Variants in PRSS41 observed in about 807,000 individuals in gnomAD.
PRSS41 encodes the protein serine protease 41.
A neutral mutation model predicts 28.8 loss-of-function variants in PRSS41; 37 were observed. That is an observed-to-expected ratio of 1.29 (90% CI 0.99 to 1.69). The LOEUF (loss-of-function observed/expected upper bound fraction) is 1.69, where lower values mean the gene tolerates loss of function less well. Ranked by LOEUF, PRSS41 falls within the 40% of genes most tolerant of loss-of-function variation. The pLI is 0.00. For synonymous variants in PRSS41, 195 were observed against 163.1 expected (o/e 1.20, Z -1.49); for missense variants, 431 against 400.7 (o/e 1.08, Z -0.65).
chr16:2,799,246 C>CCT, intron 3 of PRSS41, 40 bp from the exon 4 acceptor site: 2 of 1,545,210 alleles, frequency 1.3e-6, no homozygotes, highest in Non-Finnish European at 1.7e-6. Context: ...CGGCCAGCCC[C>CCT]CTATTCCAAG....
At chr16:2,799,406 C>A in exon 4 of PRSS41, 4 of 1,552,130 alleles carry the variant, frequency 2.6e-6, no homozygotes, top group Non-Finnish European at 3.5e-6. Flanking sequence ...TGAACCCTGA[C>A]GCACTTGGGG....
At chr16:2,805,180 G>A in exon 6 of PRSS41, 2 of 1,450,370 alleles carry the variant, frequency 1.4e-6, no homozygotes, top group Non-Finnish European at 1.9e-6. Context: ...GCTGCAGTGG[G>A]GACCACAGTA....
chr16:2,801,850 G>C (rs1260065351), intron 4 of PRSS41, among the ~76,000 whole-genome samples: 1 of 152,252 alleles, frequency 6.6e-6, no homozygotes, highest in African/African-American at 2.4e-5. Context: ...TCAATGAGCT[G>C]TTGGGCACAC....
intron 4 of PRSS41, among the ~76,000 whole-genome samples, chr16:2,801,363 GAT>G (rs1158414156): frequency 6.9e-6 from 1 of 145,056 alleles, no homozygotes; most frequent in African/African-American, 2.6e-5. Context: ...TTTTTTTATT[GAT>G]AATTCTTGGG....
intron 4 of PRSS41, 98 bp from the exon 5 acceptor site, chr16:2,804,291 C>T (rs1393839790): frequency 8.9e-6 from 12 of 1,348,368 alleles, no homozygotes; most frequent in Middle Eastern, 5.1e-4. Flanking sequence ...TGTCAGGGAC[C>T]TTCTCCCCAC....
intron 4 of PRSS41, 41 bp from the exon 5 acceptor site, chr16:2,804,348 G>C: frequency 1.3e-6 from 2 of 1,546,898 alleles, no homozygotes; most frequent in Non-Finnish European, 1.7e-6. Flanking sequence ...AGATAGCAGA[G>C]GAGAGGTGAA....
chr16:2,804,939 G>T (rs764218060), exon 6 of PRSS41: 57 of 1,588,020 alleles, frequency 3.6e-5, no homozygotes, highest in Non-Finnish European at 4.6e-5. Context: ...CCCTTGGTCT[G>T]TGACAAGGAT....
At chr16:2,798,869 C>A in intron 2 of PRSS41, 90 bp from the exon 3 acceptor site, 1 of 1,384,932 alleles carries the variant, frequency 7.2e-7, no homozygotes, top group Non-Finnish European at 9.4e-7. Context: ...GAGCCCCCCG[C>A]TGCGCGCACC....
chr16:2,800,739 A>G (rs963238984), intron 4 of PRSS41, among the ~76,000 whole-genome samples: 7 of 152,180 alleles, frequency 4.6e-5, no homozygotes, highest in African/African-American at 1.4e-4. Context: ...AATTTACCCA[A>G]AAACCTTTTC....
chr16:2,804,331 C>G, intron 4 of PRSS41, 58 bp from the exon 5 acceptor site: 1 of 1,528,588 alleles, frequency 6.5e-7, no homozygotes, highest in Non-Finnish European at 8.8e-7. Context: ...TCTCCTCTCC[C>G]TGCTCCAGAT....
chr16:2,802,680 G>A (rs984763754), intron 4 of PRSS41, among the ~76,000 whole-genome samples: 2 of 152,252 alleles, frequency 1.3e-5, no homozygotes, highest in African/African-American at 4.8e-5. Context: ...AGGGGCTGGA[G>A]ACCGGCCCGG....
chr16:2,798,706 CG>C, intron 2 of PRSS41, 44 bp downstream of exon 2: 1 of 1,404,966 alleles, frequency 7.1e-7, no homozygotes, highest in Non-Finnish European at 9.3e-7. Flanking sequence ...GCGGCTGGGC[CG>C]GGGTGCACGG....
chr16:2,798,909 C>A, intron 2 of PRSS41, 50 bp from the exon 3 acceptor site: 16 of 612,924 alleles, frequency 2.6e-5, no homozygotes, highest in Non-Finnish European at 3.4e-5. Flanking sequence ...GGCGGGCCTG[C>A]CCACCCCACC....
chr16:2,798,702 G>C, intron 2 of PRSS41, 40 bp downstream of exon 2: 3 of 1,426,388 alleles, frequency 2.1e-6, no homozygotes. Context: ...CAGGGCGGCT[G>C]GGCCGGGGTG....
chr16:2,798,515 C>CTGCTGGCGT lies in PRSS41; in HGVS notation c.36_37insGCGTTGCTG (p.Ala10_Leu12dup), dbSNP rs766176637. The CTGCTGGCGT allele has an allele frequency of 6.1e-5, 93 of 1,527,786 alleles. No homozygotes were observed. The African/African-American group carries it at 1.2e-3, about 20-fold the overall frequency. 94.6% of individuals were successfully genotyped at this position (1,527,786 alleles called of 1,614,324 possible). A position where few individuals can be genotyped will look rare whatever the true frequency, so the allele number is the denominator to read the frequency against. On this transcript the variant is annotated inframe_insertion, in exon 1 of 6. Transcript: ENST00000399677. ...CGCGCGCGGGGCGCTGCTGCTGGCG[C>CTGCTGGCGT]TGCTGCTGGCTCGGGCTGGACTCGG...
At position 2,799,132 on chromosome 16, in the gene PRSS41, T is replaced by G. The variant is rs1567267053; in HGVS notation, c.257+8T>G. On this transcript the variant is annotated splice_region_variant and intron_variant, in intron 3 of 5. Coordinates refer to ENST00000399677, the Ensembl canonical transcript of PRSS41. ...TGCGCACTGCTTCCAAAAGTGAGTC[T>G]GGGGGGCGGCCGGGGCCTCAGACTT... 1 of 1,514,058 alleles carries G rather than the reference T, an allele frequency of 6.6e-7. No individual in the cohort carries two copies. Among genetic ancestry groups the G allele is most frequent in the South Asian group, 1.2e-5 (1 of 80,526 alleles). 93.8% of individuals were successfully genotyped at this position (1,514,058 alleles called of 1,614,324 possible). A position where few individuals can be genotyped will look rare whatever the true frequency, so the allele number is the denominator to read the frequency against.
rs147943369 is a variant in PRSS41, at chr16:2,799,419, T to C, written c.391T>C (p.Leu131=). 1.3e-4 allele frequency: 202 copies of C among 1,552,164 alleles called. No homozygotes were observed. The African/African-American group carries it at 2.5e-3, about 19-fold the overall frequency. ...TGTGAACCCTGACGCACTTGGGGTT[T>C]TACGCAATGACATTGCCCTGCTGAG... is the stretch of plus-strand genomic sequence containing the variant. Residue 131 remains leucine (L), a synonymous_variant, in exon 4 of 6, where the codon TTA becomes CTA. Transcript: ENST00000399677.
Position 2,801,366 on chromosome 16 carries a change from A to C in PRSS41, c.541+1797A>C, listed in dbSNP as rs1317515313. On this transcript the variant is annotated intron_variant, in intron 4 of 5. Transcript: ENST00000399677. ...TTTTTTTAATTTTTTTTTTATTGATAATTCTTGGGTGTTTCTCACAGAGGG... is the reference window on the plus strand; with the variant it reads ...TTTTTTTAATTTTTTTTTTATTGATCATTCTTGGGTGTTTCTCACAGAGGG... Among the ~76,000 whole-genome samples, 37 of 147,890 alleles carry C rather than the reference A, an allele frequency of 2.5e-4. No individual in the cohort carries two copies. In the East Asian group the frequency reaches 7.1e-3, roughly 28 times the overall value.
chr16:2,800,884 A>C (rs73481115), intron 4 of PRSS41, among the ~76,000 whole-genome samples: 1,611 of 152,262 alleles, frequency 0.011, 27 homozygotes, highest in African/African-American at 0.036. Context: ...CTATATGAAA[A>C]TATTTTCTTT....
Sources: gnomAD v4.1 joint callset for allele counts (sites outside exome capture counted in the v4.1 genomes callset) on GRCh38, gnomAD v4.1.1 for gene constraint, MANE v1.5 for transcripts, NCBI Gene and HGNC (gene_info 2026-07-23, HGNC 2026-07-21) for gene names.